The following ZNF385B variants were observed in gnomAD, a reference collection of about 807,000 sequenced individuals.
The protein encoded by ZNF385B is zinc finger protein 533.
ZNF385B carries 23 observed loss-of-function variants against 39.2 expected under a neutral mutation model. That is an observed-to-expected ratio of 0.59 (90% CI 0.42 to 0.83). The LOEUF (loss-of-function observed/expected upper bound fraction) is 0.83. ZNF385B is among the 40% of genes least tolerant of loss of function. ZNF385B has a pLI of 0.00. For synonymous variants in ZNF385B, 205 were observed against 222.6 expected, an observed-to-expected ratio of 0.92 and a Z score of 0.70; for missense variants, 552 against 598.9, an observed-to-expected ratio of 0.92 and a Z score of 0.82.
chr2:179,473,363 A>C (rs2053018354), intron 6 of ZNF385B, among the ~76,000 whole-genome samples: 1 of 152,188 alleles, frequency 6.6e-6, no homozygotes, highest in African/African-American at 2.4e-5. Context: ...TAGAGTCAAA[A>C]TATAGGCAGG....
chr2:179,751,326 A>ATATT, intron 3 of ZNF385B, among the ~76,000 whole-genome samples: 1 of 152,202 alleles, frequency 6.6e-6, no homozygotes, highest in East Asian at 1.9e-4. Flanking sequence ...TTCCATCAGA[A>ATATT]TATTGATGTG....
At chr2:179,702,355 T>C (rs1280129221) in intron 3 of ZNF385B, among the ~76,000 whole-genome samples, 1 of 152,218 alleles carries the variant, frequency 6.6e-6, no homozygotes, top group Non-Finnish European at 1.5e-5. Context: ...ATGATTATTG[T>C]ACGTACTTTA....
chr2:179,521,780 C>T (rs911467798), intron 4 of ZNF385B, among the ~76,000 whole-genome samples: 3 of 152,146 alleles, frequency 2.0e-5, no homozygotes, highest in African/African-American at 7.2e-5. Flanking sequence ...CCCTTTTACA[C>T]TTTCTTTGCT....
intron 1 of ZNF385B, among the ~76,000 whole-genome samples, chr2:179,797,074 T>C (rs1389286667): frequency 6.6e-6 from 1 of 152,180 alleles, no homozygotes; most frequent in African/African-American, 2.4e-5. Context: ...AAAAAAACCC[T>C]AACCAGTGAT....
chr2:179,490,034 C>T (rs994848936), intron 5 of ZNF385B, among the ~76,000 whole-genome samples: 22 of 152,176 alleles, frequency 1.4e-4, no homozygotes, highest in South Asian at 4.1e-4. Context: ...TTTCAACATT[C>T]GTAGTATCTT....
At chr2:179,686,224 A>G (rs1697915269) in intron 3 of ZNF385B, among the ~76,000 whole-genome samples, 1 of 152,096 alleles carries the variant, frequency 6.6e-6, no homozygotes, top group Non-Finnish European at 1.5e-5. Flanking sequence ...GTGAGGGACA[A>G]CCTCTCCATA....
chr2:179,689,491 C>T (rs1236396626), intron 3 of ZNF385B, among the ~76,000 whole-genome samples: 2 of 152,172 alleles, frequency 1.3e-5, no homozygotes, highest in Admixed American at 1.3e-4. Context: ...GGAGGGACAA[C>T]TGCAGGAGAG....
intron 3 of ZNF385B, among the ~76,000 whole-genome samples, chr2:179,660,347 G>A (rs879942895): frequency 2.6e-5 from 4 of 152,066 alleles, no homozygotes; most frequent in Admixed American, 2.6e-4. Context: ...CAAAAATTAT[G>A]GAAAAGTAAG....
chr2:179,509,065 G>C (rs1236219048), intron 5 of ZNF385B, among the ~76,000 whole-genome samples: 1 of 151,476 alleles, frequency 6.6e-6, no homozygotes, highest in Non-Finnish European at 1.5e-5. Flanking sequence ...TCCTGCCTCA[G>C]CCTCCCAAGT....
rs149009084 is a variant in ZNF385B at position 179,494,047 on chromosome 2, C to A, written c.553-10613G>T. Among the ~76,000 whole-genome samples, 129 of 151,440 alleles carry A rather than the reference C, an allele frequency of 8.5e-4. No homozygotes were observed. In the East Asian group the frequency reaches 0.021, roughly 25 times the overall value. On this transcript the variant is annotated intron_variant, in intron 5 of 9. Coordinates refer to ENST00000410066, the MANE Select transcript of ZNF385B (RefSeq NM_152520.6). ...AACAGATAAGTGATACACCTATGAA[C>A]ATGTTATATAATGCTATAAAAAAAT...
chr2:179,538,883 A>C (rs547886366), intron 4 of ZNF385B, among the ~76,000 whole-genome samples: 258 of 152,366 alleles, frequency 1.7e-3, no homozygotes, highest in African/African-American at 6.0e-3. Context: ...AAATAGGCAC[A>C]TAAAACACCT....
chr2:179,829,674 C>T lies in ZNF385B; in HGVS notation c.-155+31427G>A, dbSNP rs989929880. On this transcript the variant is annotated intron_variant, in intron 1 of 9. Coordinates refer to ENST00000410066, the MANE Select transcript of ZNF385B (RefSeq NM_152520.6). ...GACTACAGGCGCCCGCCACCATGCC[C>T]GGCCAATTTTTTGTATTTTTAGTAG... 3.2e-4 allele frequency among the ~76,000 whole-genome samples: 48 copies of T among 152,124 alleles called. 1 individual carries two copies. Among genetic ancestry groups the T allele is most frequent in the Admixed American group, 1.0e-3 (16 of 15,274 alleles).
rs556303551 is a variant in ZNF385B at position 179,689,779 on chromosome 2, G to T, written c.298+79724C>A. Among the ~76,000 whole-genome samples the T allele has an allele frequency of 2.5e-4, 31 of 125,666 alleles. No individual in the cohort carries two copies. The South Asian group carries it at 8.0e-3, about 32-fold the overall frequency. 82.4% of individuals were successfully genotyped at this position (125,666 alleles called of 152,430 possible). ...TACATGAAGAAGAGCGTGAGGGCAG[G>T]GGCATGTGTGTGTGTGTGTGTGTGT... On this transcript the variant is annotated intron_variant, in intron 3 of 9. Transcript: ENST00000410066.
At chr2:179,664,839 T>C (rs62177572) in intron 3 of ZNF385B, among the ~76,000 whole-genome samples, 28,173 of 152,108 alleles carry the variant, frequency 0.19, 3,045 homozygotes, top group Admixed American at 0.24. Context: ...AAGGAAGTAC[T>C]CCAAAATCTG....
intron 3 of ZNF385B, among the ~76,000 whole-genome samples, chr2:179,725,910 G>GTATATA (rs72080859): frequency 2.9e-5 from 4 of 138,830 alleles, no homozygotes; most frequent in Admixed American, 7.2e-5. Flanking sequence ...GTTTGTGTGT[G>GTATATA]TATATATATA....
At chr2:179,729,220 C>T (rs1701225178) in intron 3 of ZNF385B, among the ~76,000 whole-genome samples, 1 of 150,540 alleles carries the variant, frequency 6.6e-6, no homozygotes, top group African/African-American at 2.4e-5. Flanking sequence ...TTTTCTAGGA[C>T]ATCCTGAAAG....
At chr2:179,786,575 C>G (rs184342313) in intron 1 of ZNF385B, among the ~76,000 whole-genome samples, 147 of 152,098 alleles carry the variant, frequency 9.7e-4, no homozygotes, top group African/African-American at 3.1e-3. Flanking sequence ...AGGTAACCCC[C>G]CTAAGGCACT....
At chr2:179,526,364 C>T (rs147154163) in intron 4 of ZNF385B, among the ~76,000 whole-genome samples, 9 of 151,610 alleles carry the variant, frequency 5.9e-5, no homozygotes, top group Admixed American at 5.3e-4. Context: ...TTGAGGCAGG[C>T]GGATCACCTC....
intron 3 of ZNF385B, among the ~76,000 whole-genome samples, chr2:179,591,902 A>G (rs1465214585): frequency 2.6e-5 from 4 of 152,118 alleles, no homozygotes; most frequent in Non-Finnish European, 5.9e-5. Flanking sequence ...CGCCCCAGTG[A>G]CTTCAGGTAG....
Sources: allele counts gnomAD v4.1 joint callset (sites outside exome capture counted in the v4.1 genomes callset), GRCh38; gene constraint gnomAD v4.1.1; transcripts MANE v1.5; gene names NCBI Gene and HGNC (gene_info 2026-07-23, HGNC 2026-07-21).